BICD1: variants seen among roughly 807,000 people sequenced by gnomAD.
The protein encoded by BICD1 is protein bicaudal D homolog 1.
Under a neutral mutation model 92.5 loss-of-function variants are expected in BICD1, and 35 were observed. The ratio of observed to expected loss-of-function variants is 0.38; its 90% CI spans 0.29 to 0.50. BICD1 has a LOEUF of 0.50. BICD1 is among the 20% of genes least tolerant of loss of function. The pLI, the probability that BICD1 is intolerant of heterozygous loss-of-function variation, is 0.93. For missense variants in BICD1, 950 were observed against 1,189.8 expected, an observed-to-expected ratio of 0.80 and a Z score of 2.97; for synonymous variants, 429 against 465.1, an observed-to-expected ratio of 0.92 and a Z score of 1.00.
Position 32,111,669 on chromosome 12 carries a change from GTGATCTCGGCTCACTGC to G in BICD1, c.213+4126_213+4142del, listed in dbSNP as rs1361748654. Reference sequence around the variant, plus strand: ...TTCACCCAGCCTGGAGTGCGGTGGTGTGATCTCGGCTCACTGCAAGCTCCACCTCCCGGGTTCACGCC... The same window carrying G: ...TTCACCCAGCCTGGAGTGCGGTGGTGAAGCTCCACCTCCCGGGTTCACGCC... On this transcript the variant is annotated intron_variant, in intron 1 of 9. Coordinates refer to ENST00000652176, the MANE Select transcript of BICD1 (RefSeq NM_001714.4). Among the ~76,000 whole-genome samples, 8 of 152,092 alleles carry G rather than the reference GTGATCTCGGCTCACTGC, an allele frequency of 5.3e-5. No homozygotes were observed. The East Asian group carries it at 1.2e-3, about 22-fold the overall frequency.
intron 1 of BICD1, among the ~76,000 whole-genome samples, chr12:32,123,121 A>G (rs1198563910): frequency 1.3e-5 from 2 of 152,208 alleles, no homozygotes; most frequent in African/African-American, 2.4e-5. Context: ...ATGGGGGGAA[A>G]AAACCCTGGG....
chr12:32,242,052 C>CAAAA (rs112753735), intron 2 of BICD1, among the ~76,000 whole-genome samples: 1 of 149,748 alleles, frequency 6.7e-6, no homozygotes, highest in African/African-American at 2.5e-5. Flanking sequence ...AACAAACAAA[C>CAAAA]AAAAAAACAA....
intron 2 of BICD1, among the ~76,000 whole-genome samples, chr12:32,230,357 AC>A (rs1177204307): frequency 6.6e-6 from 1 of 151,972 alleles, no homozygotes; most frequent in Non-Finnish European, 1.5e-5. Context: ...CCAAGGTCAC[AC>A]CACTGCACTC....
intron 1 of BICD1, among the ~76,000 whole-genome samples, chr12:32,142,935 A>G (rs563120394): frequency 6.6e-6 from 1 of 152,326 alleles, no homozygotes; most frequent in South Asian, 2.1e-4. Flanking sequence ...CATGAGGCTT[A>G]ACTATGGAGA....
Position 32,149,792 on chromosome 12 carries a change from T to G in BICD1, c.213+42248T>G, listed in dbSNP as rs141247698. Among the ~76,000 whole-genome samples, 6 of 152,312 alleles carry G rather than the reference T, an allele frequency of 3.9e-5. 1 individual carries two copies. In the East Asian group the frequency reaches 1.2e-3, roughly 29 times the overall value. ...TCACAGATGGTGCCTTCTTATGGCA[T>G]CCTCACATGGTGAAAGGGAACAAAC... On this transcript the variant is annotated intron_variant, in intron 1 of 9. Transcript: ENST00000652176.
chr12:32,149,001 C>T (rs991139807), intron 1 of BICD1, among the ~76,000 whole-genome samples: 4 of 132,916 alleles, frequency 3.0e-5, no homozygotes, highest in Admixed American at 1.7e-4. Context: ...CCCTGGGTGA[C>T]GAAGTGAGGC....
At chr12:32,128,787 T>G (rs1942432455) in intron 1 of BICD1, among the ~76,000 whole-genome samples, 1 of 152,160 alleles carries the variant, frequency 6.6e-6, no homozygotes, top group Non-Finnish European at 1.5e-5. Flanking sequence ...TTTTTTTGTT[T>G]TTTAAGATAG....
intron 3 of BICD1, among the ~76,000 whole-genome samples, chr12:32,303,178 A>G (rs550081996): frequency 6.6e-6 from 1 of 152,076 alleles, no homozygotes; most frequent in South Asian, 2.1e-4. Context: ...CAAGCAATTC[A>G]CCGAGATTAC....
intron 1 of BICD1, among the ~76,000 whole-genome samples, chr12:32,154,944 A>G (rs1291928934): frequency 2.0e-5 from 3 of 152,290 alleles, no homozygotes; most frequent in Middle Eastern, 3.4e-3. Context: ...CTCTGATTCA[A>G]ACATTTTACC....
At chr12:32,272,183 G>A (rs1010192918) in intron 2 of BICD1, among the ~76,000 whole-genome samples, 1 of 151,936 alleles carries the variant, frequency 6.6e-6, no homozygotes, top group African/African-American at 2.4e-5. Flanking sequence ...TATACATGTT[G>A]CTCCTGGACA....
chr12:32,121,010 C>T (rs1942130064), intron 1 of BICD1, among the ~76,000 whole-genome samples: 1 of 149,184 alleles, frequency 6.7e-6, no homozygotes, highest in African/African-American at 2.5e-5. Context: ...GCGCTATTGC[C>T]CAGGCTGGAG....
At chr12:32,346,592 A>ATATACGTG (rs1565687284) in intron 8 of BICD1, among the ~76,000 whole-genome samples, 4 of 14,734 alleles carry the variant, frequency 2.7e-4, no homozygotes, top group African/African-American at 1.9e-3. Context: ...ACGTGTATAT[A>ATATACGTG]TATATATATA....
chr12:32,298,870 CAAA>C (rs59280755), intron 3 of BICD1, among the ~76,000 whole-genome samples: 6 of 56,098 alleles, frequency 1.1e-4, no homozygotes, highest in Admixed American at 4.2e-4. Context: ...AACTCCATCT[CAAA>C]AAAAAAAAAA....
chr12:32,140,334 C>T (rs1052803788), intron 1 of BICD1, among the ~76,000 whole-genome samples: 1 of 152,196 alleles, frequency 6.6e-6, no homozygotes, highest in Non-Finnish European at 1.5e-5. Flanking sequence ...TATAATTATA[C>T]TCCCAATGAA....
chr12:32,366,242 G>T (rs929391894), intron 8 of BICD1, among the ~76,000 whole-genome samples: 3 of 152,180 alleles, frequency 2.0e-5, no homozygotes, highest in Non-Finnish European at 2.9e-5. Context: ...TTAAATAGAA[G>T]ACTTCAAATG....
At chr12:32,216,558 A>T (rs1210872934) in intron 2 of BICD1, 99 bp downstream of exon 2, 3 of 1,276,414 alleles carry the variant, frequency 2.4e-6, no homozygotes, top group Admixed American at 4.7e-5. Flanking sequence ...TAATCAGAGG[A>T]GCTGTATTAA....
chr12:32,373,584 G>A (rs947757616), intron 9 of BICD1, among the ~76,000 whole-genome samples: 1 of 152,098 alleles, frequency 6.6e-6, no homozygotes, highest in Admixed American at 6.6e-5. Flanking sequence ...ATCAAAAAGA[G>A]TATTGGGGCC....
Position 32,265,718 on chromosome 12 carries a change from T to TTAA in BICD1, c.427-28276_427-28275insTAA, listed in dbSNP as rs1555159709. ...CTAGGTGACACAGCGAGATCCTATT[T>TTAA]AAAAAAAAAAAAAAAGACAAAAAGA... On this transcript the variant is annotated intron_variant, in intron 2 of 9. Transcript: ENST00000652176. Among the ~76,000 whole-genome samples the TTAA allele has an allele frequency of 4.5e-3, 631 of 140,850 alleles. 4 individuals carry two copies. The highest frequency in any genetic ancestry group is 0.016 in the African/African-American group (605 of 38,736). The allele number at this position is 140,850 out of a possible 152,430, so 92.4% of individuals were successfully genotyped here.
chr12:32,118,302 C>T (rs1000530092), intron 1 of BICD1, among the ~76,000 whole-genome samples: 9 of 147,612 alleles, frequency 6.1e-5, no homozygotes, highest in South Asian at 4.4e-4. Context: ...AGGATGGTCT[C>T]GATCTCTTGA....
Sources: gnomAD v4.1 joint callset for allele counts (sites outside exome capture counted in the v4.1 genomes callset) on GRCh38, gnomAD v4.1.1 for gene constraint, MANE v1.5 for transcripts, NCBI Gene and HGNC (gene_info 2026-07-23, HGNC 2026-07-21) for gene names.